Variants in CMSS1 observed in about 807,000 individuals in gnomAD.
CMSS1 encodes the protein cms1 ribosomal small subunit homolog, also known as protein CMSS1.
In CMSS1, 33 loss-of-function variants were observed where a neutral mutation model predicts 43.5. That is an observed-to-expected ratio of 0.76 (90% CI 0.57 to 1.01). The LOEUF is 1.01. Among genes scored for constraint, CMSS1 ranks in the 50% least tolerant of loss-of-function variants. The pLI, the probability that CMSS1 is intolerant of heterozygous loss-of-function variation, is 0.00. For missense variants in CMSS1, 313 were observed against 326.4 expected, an observed-to-expected ratio of 0.96 and a Z score of 0.32; for synonymous variants, 115 against 117.2, an observed-to-expected ratio of 0.98 and a Z score of 0.12.
intron 1 of CMSS1, among the ~76,000 whole-genome samples, chr3:99,839,343 T>G (rs897382514): frequency 2.0e-5 from 3 of 152,220 alleles, no homozygotes; most frequent in African/African-American, 7.2e-5. Context: ...TATTGCATGC[T>G]TCATAAATAT....
In CMSS1 at chr3:100,166,408, G is replaced by T. The variant is rs766001480; in HGVS notation, c.415+14G>T. On this transcript the variant is annotated intron_variant, in intron 5 of 9. Transcript: ENST00000421999. The stretch of plus-strand genomic sequence containing the variant: ...ACCTAAAAGAAAGTAAGTAAACTCT[G>T]ATTTTAATCTATTTAAACTCATTCT... 3.3e-6 allele frequency: 5 copies of T among 1,509,276 alleles called. No individual in the cohort carries two copies. The highest frequency in any genetic ancestry group is 4.6e-6 in the Non-Finnish European group (5 of 1,086,340). The allele number at this position is 1,509,276 out of a possible 1,614,324, so 93.5% of individuals were successfully genotyped here. A position where few individuals can be genotyped will look rare whatever the true frequency, so the allele number is the denominator to read the frequency against.
intron 1 of CMSS1, among the ~76,000 whole-genome samples, chr3:99,914,721 T>C (rs536178638): frequency 6.6e-6 from 1 of 152,336 alleles, no homozygotes; most frequent in Admixed American, 6.5e-5. Context: ...ATAAGAATTC[T>C]AAAACAATAA....
chr3:99,921,615 G>T (rs1707126372), intron 1 of CMSS1, among the ~76,000 whole-genome samples: 1 of 152,136 alleles, frequency 6.6e-6, no homozygotes, highest in Non-Finnish European at 1.5e-5. Context: ...CATATCTTCT[G>T]GAATGGCTAA....
intron 1 of CMSS1, among the ~76,000 whole-genome samples, chr3:99,962,253 A>T (rs76150668): frequency 0.023 from 3,491 of 152,192 alleles, 55 homozygotes; most frequent in Non-Finnish European, 0.038. Flanking sequence ...ACAGATGCAG[A>T]AATGCTAGGG....
intron 1 of CMSS1, among the ~76,000 whole-genome samples, chr3:100,139,603 ATG>A (rs34280079): frequency 0.42 from 58,346 of 139,920 alleles, 12,231 homozygotes; most frequent in South Asian, 0.51. Context: ...GTGTGTATAT[ATG>A]TGTGTGTGTA....
intron 1 of CMSS1, among the ~76,000 whole-genome samples, chr3:100,053,910 G>A (rs1415029550): frequency 6.6e-6 from 1 of 152,206 alleles, no homozygotes; most frequent in Non-Finnish European, 1.5e-5. Context: ...TAGAATCAAA[G>A]TAAATTGCAT....
At chr3:100,145,316 T>C (rs1335534817) in intron 1 of CMSS1, among the ~76,000 whole-genome samples, 1 of 151,822 alleles carries the variant, frequency 6.6e-6, no homozygotes, top group Non-Finnish European at 1.5e-5. Context: ...GGCATGGTGG[T>C]GGGTGCCTGT....
intron 1 of CMSS1, among the ~76,000 whole-genome samples, chr3:100,107,039 A>C (rs2066407831): frequency 6.6e-6 from 1 of 152,160 alleles, no homozygotes; most frequent in Non-Finnish European, 1.5e-5. Context: ...ATTTTGTTAC[A>C]CAGCCAAGAG....
At chr3:99,864,180 C>G (rs1477279664) in intron 1 of CMSS1, among the ~76,000 whole-genome samples, 3 of 152,128 alleles carry the variant, frequency 2.0e-5, no homozygotes, top group Non-Finnish European at 2.9e-5. Flanking sequence ...TGTTGTATAT[C>G]TATCTTTATA....
chr3:99,899,429 T>C (rs1706365595), intron 1 of CMSS1, among the ~76,000 whole-genome samples: 1 of 152,244 alleles, frequency 6.6e-6, no homozygotes, highest in Non-Finnish European at 1.5e-5. Context: ...TATTGGAAAT[T>C]ATTCTACCTA....
At chr3:100,061,175 C>T (rs1411440066) in intron 1 of CMSS1, among the ~76,000 whole-genome samples, 3 of 151,902 alleles carry the variant, frequency 2.0e-5, no homozygotes, top group African/African-American at 7.3e-5. Flanking sequence ...AGGAAGGGTA[C>T]AATTTTTAGA....
chr3:100,025,410 TCTC>T (rs2064901008), intron 1 of CMSS1: 2 of 152,210 alleles, frequency 1.3e-5, no homozygotes, highest in African/African-American at 4.8e-5. Context: ...CTTTCCTTCT[TCTC>T]TTCCTTCCTT....
intron 1 of CMSS1, among the ~76,000 whole-genome samples, chr3:100,065,246 G>A (rs2065644005): frequency 1.3e-5 from 2 of 152,132 alleles, no homozygotes; most frequent in African/African-American, 4.8e-5. Context: ...GTTTTAATTA[G>A]CTCCTATGTT....
At chr3:99,909,987 TA>T in intron 1 of CMSS1, among the ~76,000 whole-genome samples, 2 of 138,492 alleles carry the variant, frequency 1.4e-5, no homozygotes, top group Non-Finnish European at 1.7e-5. Flanking sequence ...GCAAAATGTG[TA>T]TTCAGAGCTG....
rs201193835 is a variant in CMSS1 at position 99,850,112 on chromosome 3, A to C, written c.64+32069A>C. On this transcript the variant is annotated intron_variant, in intron 1 of 9. Coordinates refer to ENST00000421999, the MANE Select transcript of CMSS1 (RefSeq NM_032359.4). The stretch of plus-strand genomic sequence containing the variant: ...TTTTGCTCCACTTGAAGCTGAGAAG[A>C]AGCAGCTTGTAATTTATCTTCAGTT... 620 of 1,612,994 alleles carry C rather than the reference A, an allele frequency of 3.8e-4. 6 individuals carry two copies. Among genetic ancestry groups the C allele is most frequent in the South Asian group, 2.3e-3 (206 of 90,686 alleles).
chr3:100,146,933 G>T (rs991876302), intron 1 of CMSS1, 40 bp from the exon 2 acceptor site: 8 of 1,594,946 alleles, frequency 5.0e-6, no homozygotes, highest in Non-Finnish European at 6.8e-6. Flanking sequence ...AGCAATGAGA[G>T]AGAGAGACTT....
At chr3:99,974,638 C>T (rs1283409927) in intron 1 of CMSS1, among the ~76,000 whole-genome samples, 5 of 151,908 alleles carry the variant, frequency 3.3e-5, no homozygotes, top group African/African-American at 9.7e-5. Flanking sequence ...ACCCAGGAGG[C>T]GGAGGTTGTG....
intron 1 of CMSS1, among the ~76,000 whole-genome samples, chr3:99,989,121 T>C (rs1163967977): frequency 6.6e-6 from 1 of 152,220 alleles, no homozygotes; most frequent in Non-Finnish European, 1.5e-5. Context: ...TTCATATACA[T>C]TATCTTGTTT....
At chr3:99,861,876 G>A (rs1559664473) in intron 1 of CMSS1, among the ~76,000 whole-genome samples, 5 of 152,248 alleles carry the variant, frequency 3.3e-5, no homozygotes, top group South Asian at 2.1e-4. Context: ...AGTGTGACTT[G>A]AGCAAGCAAT....
Sources: gnomAD v4.1 joint callset for allele counts (sites outside exome capture counted in the v4.1 genomes callset) on GRCh38, gnomAD v4.1.1 for gene constraint, MANE v1.5 for transcripts, NCBI Gene and HGNC (gene_info 2026-07-23, HGNC 2026-07-21) for gene names.